DGKK: variants seen among roughly 807,000 people sequenced by gnomAD.
DGKK encodes diacylglycerol kinase kappa, also known as 142 kDa diacylglycerol kinase.
A neutral mutation model predicts 92.2 loss-of-function variants in DGKK; 35 were observed. That is an observed-to-expected ratio of 0.38 (90% CI 0.29 to 0.50). The LOEUF is 0.50. Ranked by LOEUF, DGKK falls within the 20% of genes least tolerant of loss-of-function variation. DGKK has a pLI of 0.92. For missense variants in DGKK, 910 were observed against 992.2 expected (o/e 0.92, Z 1.11); for synonymous variants, 368 against 360.6 (o/e 1.02, Z -0.23).
intron 20 of DGKK, 149 bp from the exon 21 acceptor site, chrX:50,378,840 G>C: frequency 2.1e-6 from 1 of 470,693 alleles, no homozygotes; most frequent in East Asian, 3.7e-5. Flanking sequence ...AAAAGATGAG[G>C]TCAGAAAGCC....
intron 4 of DGKK, among the ~76,000 whole-genome samples, chrX:50,410,043 T>C (rs1331601983): frequency 8.9e-6 from 1 of 111,884 alleles, no homozygotes; most frequent in Admixed American, 9.5e-5. Context: ...AGCCACCTAG[T>C]CTGTGGAATT....
intron 8 of DGKK, among the ~76,000 whole-genome samples, chrX:50,398,301 G>A (rs1423834830): frequency 8.9e-6 from 1 of 111,757 alleles, no homozygotes; most frequent in East Asian, 2.8e-4. Context: ...ATTCCTCTGG[G>A]ATGGGACCTT....
At chrX:50,379,953 A>G (rs1924373629) in intron 19 of DGKK, 28 bp downstream of exon 19, 1 of 1,179,309 alleles carries the variant, frequency 8.5e-7, no homozygotes, top group Non-Finnish European at 1.2e-6. Context: ...CTCCATACCC[A>G]GGAAAGACTA....
At chrX:50,420,890 A>T (rs1925567652) in intron 3 of DGKK, among the ~76,000 whole-genome samples, 1 of 111,703 alleles carries the variant, frequency 9.0e-6, no homozygotes, top group Admixed American at 9.5e-5. Flanking sequence ...GCAGGTAAAA[A>T]ACTAAACCAG....
At chrX:50,378,491 C>T (rs1023063375) in intron 21 of DGKK, 87 bp downstream of exon 21, 34 of 886,925 alleles carry the variant, frequency 3.8e-5, no homozygotes, top group Non-Finnish European at 5.3e-5. Flanking sequence ...CATTCTTCTA[C>T]CCAGTTAATT....
intron 1 of DGKK, among the ~76,000 whole-genome samples, chrX:50,424,870 A>AG (rs1925694092): frequency 1.8e-5 from 2 of 111,561 alleles, no homozygotes; most frequent in Admixed American, 9.5e-5. Flanking sequence ...AGTCTTTACC[A>AG]TGGTTTGTCT....
chrX:50,456,451 A>G (rs1271073252), intron 1 of DGKK, among the ~76,000 whole-genome samples: 1 of 111,820 alleles, frequency 8.9e-6, no homozygotes, highest in Non-Finnish European at 1.9e-5. Context: ...AATTAAAGTG[A>G]AAAGCCTACC....
intron 1 of DGKK, among the ~76,000 whole-genome samples, chrX:50,445,320 A>G (rs782214610): frequency 1.8e-5 from 2 of 110,365 alleles, no homozygotes; most frequent in South Asian, 3.8e-4. Flanking sequence ...TTTTGTTGCA[A>G]TTGTGTTTGG....
Position 50,386,613 on chromosome X carries a change from AT to A in DGKK, c.2119-28del, listed in dbSNP as rs782159095. ...TATATAGAAAGGAAGGAGACAGGGC[AT>A]TGTTATGAGGGACCCATGCTTGAGA... On this transcript the variant is annotated intron_variant, in intron 14 of 27. Coordinates refer to ENST00000611977, the MANE Select transcript of DGKK (RefSeq NM_001013742.4). 2.7e-3 allele frequency: 3,090 copies of A among 1,151,641 alleles called. 10 individuals are homozygous for A. The highest frequency in any genetic ancestry group is 8.2e-3 in the Middle Eastern group (33 of 4,037). 94.9% of individuals were successfully genotyped at this position (1,151,641 alleles called of 1,213,427 possible). A position where few individuals can be genotyped will look rare whatever the true frequency, so the allele number is the denominator to read the frequency against.
At chrX:50,421,320 T>C (rs782300618) in intron 3 of DGKK, among the ~76,000 whole-genome samples, 115 of 111,721 alleles carry the variant, frequency 1.0e-3, no homozygotes, top group African/African-American at 3.3e-3. Context: ...TACTTGCCTT[T>C]ACTATAAGCT....
intron 1 of DGKK, among the ~76,000 whole-genome samples, chrX:50,431,047 T>A: frequency 9.1e-6 from 1 of 110,362 alleles, no homozygotes; most frequent in Non-Finnish European, 1.9e-5. Flanking sequence ...CATTTTTTTT[T>A]AAGAGACAGG....
At chrX:50,453,655 T>C (rs1926542751) in intron 1 of DGKK, among the ~76,000 whole-genome samples, 3 of 111,327 alleles carry the variant, frequency 2.7e-5, no homozygotes, top group Non-Finnish European at 5.7e-5. Context: ...AGACTGAATA[T>C]AGATGTTCCT....
chrX:50,404,538 C>T (rs1169371597), intron 4 of DGKK, among the ~76,000 whole-genome samples: 8 of 106,793 alleles, frequency 7.5e-5, no homozygotes, highest in African/African-American at 2.1e-4. Context: ...CTCCGCCTCC[C>T]GGATTCAAGT....
chrX:50,371,791 T>C lies in DGKK; in HGVS notation c.3545A>G (p.Asp1182Gly). ...CTTTTTGAACTCCTTATTCATGGCATCCAGGGCGCTTTGTAGTGCAGTCTC... is the reference window on the plus strand; with the variant it reads ...CTTTTTGAACTCCTTATTCATGGCACCCAGGGCGCTTTGTAGTGCAGTCTC... ...EDETALQSAL[D>G]AMNKEFKKLS... Residue 1182 changes from aspartate to glycine, a missense_variant, in exon 26 of 28, where the codon GAT becomes GGT. Physicochemically the swap from Asp to Gly is moderately conservative, Grantham distance 94 (BLOSUM62 -1). Coordinates refer to ENST00000611977, the MANE Select transcript of DGKK (RefSeq NM_001013742.4). 1 of 1,207,683 alleles carries C rather than the reference T, an allele frequency of 8.3e-7. No individual in the cohort carries two copies. The highest frequency in any genetic ancestry group is 3.0e-5 in the East Asian group (1 of 33,768).
intron 7 of DGKK, 151 bp downstream of exon 7, chrX:50,402,910 G>A: frequency 1.4e-6 from 1 of 740,262 alleles, no homozygotes; most frequent in Non-Finnish European, 1.8e-6. Context: ...TGGAAAGGCA[G>A]GATACTAAGA....
chrX:50,374,863 G>T, intron 25 of DGKK, 108 bp downstream of exon 25: 1 of 643,197 alleles, frequency 1.6e-6, no homozygotes, highest in Non-Finnish European at 2.4e-6. Flanking sequence ...GCAAGCACCT[G>T]GCCAAAATGC....
intron 1 of DGKK, among the ~76,000 whole-genome samples, chrX:50,437,726 A>G (rs1230580961): frequency 9.0e-6 from 1 of 111,729 alleles, no homozygotes; most frequent in Non-Finnish European, 1.9e-5. Flanking sequence ...AGTAGGAAAT[A>G]AATAAGAATA....
Position 50,371,729 on chromosome X carries a change from G to A in DGKK, c.3607C>T (p.Pro1203Ser), listed in dbSNP as rs192915815. 1,463 of 1,189,586 alleles carry A rather than the reference G, an allele frequency of 1.2e-3. 3 individuals are homozygous for A. Among genetic ancestry groups the A allele is most frequent in the South Asian group, 1.7e-3 (93 of 55,133 alleles). ...CAATTCCCAAGATTACGCACCTCTG[G>A]AACAAAGATTGGATTCATCCAGTCA... Reference protein sequence around the residue: ...EIDWMNPIFVPEEKSSDTDSR... With the variant: ...EIDWMNPIFVSEEKSSDTDSR... The change falls in exon 26 of 28, where the codon CCA becomes TCA. Residue 1203 changes from proline (P) to serine (S), a missense_variant. Physicochemically the swap from Pro to Ser is moderately conservative, Grantham distance 74 (BLOSUM62 -1). Transcript: ENST00000611977.
intron 4 of DGKK, among the ~76,000 whole-genome samples, chrX:50,411,313 A>T (rs1925298609): frequency 8.9e-6 from 1 of 112,342 alleles, no homozygotes; most frequent in South Asian, 3.7e-4. Flanking sequence ...AAAAATCCTC[A>T]ATAAAATATT....
Sources: gnomAD v4.1 joint callset for allele counts (sites outside exome capture counted in the v4.1 genomes callset) on GRCh38, gnomAD v4.1.1 for gene constraint, MANE v1.5 for transcripts, NCBI Gene and HGNC (gene_info 2026-07-23, HGNC 2026-07-21) for gene names.